Variants in DLGAP1 observed in about 807,000 individuals in gnomAD.
DLGAP1 encodes disks large-associated protein 1.
A neutral mutation model predicts 90.8 loss-of-function variants in DLGAP1; 11 were observed. The observed-to-expected ratio is 0.12, with a 90% CI of 0.08 to 0.20. DLGAP1 has a LOEUF of 0.20. Ranked by LOEUF, DLGAP1 falls within the 10% of genes least tolerant of loss-of-function variation. DLGAP1 has a pLI of 1.00. For missense variants in DLGAP1, 1,050 were observed against 1,333.8 expected (o/e 0.79, Z 3.31); for synonymous variants, 558 against 540.7 (o/e 1.03, Z -0.44).
chr18:3,608,366 A>G (rs2057428695), intron 7 of DLGAP1: 1 of 152,098 alleles, frequency 6.6e-6, no homozygotes. Context: ...TGACGGGTGG[A>G]AGAAAGGCCA....
In DLGAP1 at chr18:4,436,432, A is replaced by G. The variant is rs138230184; in HGVS notation, c.-267+18574T>C. Among the ~76,000 whole-genome samples, 103 of 152,124 alleles carry G rather than the reference A, an allele frequency of 6.8e-4. No individual in the cohort carries two copies. The South Asian group carries it at 8.1e-3, about 12-fold the overall frequency. On this transcript the variant is annotated intron_variant, in intron 1 of 12. Coordinates refer to ENST00000315677, the MANE Select transcript of DLGAP1 (RefSeq NM_004746.4). ...AGTATTTCCAAACTAGGGCCTGAGA[A>G]TATACATTTCTAACAAATTCCCAGG...
At chr18:3,695,763 G>A (rs893747312) in intron 7 of DLGAP1, among the ~76,000 whole-genome samples, 1 of 152,106 alleles carries the variant, frequency 6.6e-6, no homozygotes. Context: ...GCTTGATGGG[G>A]ATAGCATTTA....
At chr18:4,213,251 G>T (rs1030358698) in intron 1 of DLGAP1, among the ~76,000 whole-genome samples, 1 of 152,162 alleles carries the variant, frequency 6.6e-6, no homozygotes, top group Non-Finnish European at 1.5e-5. Context: ...TGAAGGGTTT[G>T]GAGGAGCAAA....
intron 3 of DLGAP1, among the ~76,000 whole-genome samples, chr18:3,891,691 T>C (rs934446675): frequency 6.6e-6 from 1 of 152,192 alleles, no homozygotes. Flanking sequence ...AACAACCCAA[T>C]ATGGTACGGA....
chr18:3,967,979 A>G (rs977418440), intron 3 of DLGAP1, among the ~76,000 whole-genome samples: 2 of 151,938 alleles, frequency 1.3e-5, no homozygotes, highest in Non-Finnish European at 2.9e-5. Context: ...TGTTTTGAAC[A>G]TTTCATTTGT....
chr18:4,136,091 C>A (rs1232597207), intron 2 of DLGAP1, among the ~76,000 whole-genome samples: 1 of 151,710 alleles, frequency 6.6e-6, no homozygotes, highest in Non-Finnish European at 1.5e-5. Context: ...TGTTCAATGT[C>A]CACCTATGAG....
At chr18:3,888,357 A>C (rs1427086344) in intron 3 of DLGAP1, among the ~76,000 whole-genome samples, 1 of 152,140 alleles carries the variant, frequency 6.6e-6, no homozygotes, top group African/African-American at 2.4e-5. Context: ...ACATTCTGAA[A>C]TATACCAATT....
intron 7 of DLGAP1, among the ~76,000 whole-genome samples, chr18:3,650,905 A>C (rs2059276070): frequency 6.7e-6 from 1 of 150,072 alleles, no homozygotes; most frequent in Non-Finnish European, 1.5e-5. Flanking sequence ...TGTCTCTATT[A>C]AAATACAAAA....
chr18:4,120,892 A>G (rs1228785630), intron 2 of DLGAP1, among the ~76,000 whole-genome samples: 1 of 152,116 alleles, frequency 6.6e-6, no homozygotes, highest in African/African-American at 2.4e-5. Context: ...TAGGCTAGAT[A>G]CTGGGCTAGG....
intron 3 of DLGAP1, among the ~76,000 whole-genome samples, chr18:3,951,178 T>A: frequency 6.6e-6 from 1 of 152,234 alleles, no homozygotes; most frequent in Non-Finnish European, 1.5e-5. Flanking sequence ...ATTTAAGCAT[T>A]AACATTCTAA....
At position 4,130,934 on chromosome 18, in the gene DLGAP1, A is replaced by G. The variant is rs187755128; in HGVS notation, c.-159+20246T>C. ...GGCGAGGATGTGGCCAGCAGGGGGAATTGCAGGAAAATATGACAAGGATTT... is the reference window on the plus strand; with the variant it reads ...GGCGAGGATGTGGCCAGCAGGGGGAGTTGCAGGAAAATATGACAAGGATTT... On this transcript the variant is annotated intron_variant, in intron 2 of 12. Transcript: ENST00000315677. Among the ~76,000 whole-genome samples the G allele has an allele frequency of 2.2e-3, 338 of 152,266 alleles. 1 individual carries two copies. Among genetic ancestry groups the G allele is most frequent in the Middle Eastern group, 6.8e-3 (2 of 294 alleles).
At chr18:4,384,119 T>C (rs1288062720) in intron 1 of DLGAP1, among the ~76,000 whole-genome samples, 2 of 152,158 alleles carry the variant, frequency 1.3e-5, no homozygotes, top group Non-Finnish European at 2.9e-5. Flanking sequence ...ATTGAAGATA[T>C]TATTCAATAT....
intron 1 of DLGAP1, among the ~76,000 whole-genome samples, chr18:4,318,987 T>TGG (rs1055412039): frequency 6.6e-6 from 1 of 152,186 alleles, no homozygotes; most frequent in African/African-American, 2.4e-5. Context: ...GCTATGAGAA[T>TGG]GGATTCTAAA....
At chr18:4,222,948 T>C (rs977313276) in intron 1 of DLGAP1, among the ~76,000 whole-genome samples, 3 of 151,964 alleles carry the variant, frequency 2.0e-5, no homozygotes, top group Admixed American at 6.6e-5. Flanking sequence ...ATAAAAGAAA[T>C]GATAAACACA....
chr18:4,171,911 T>A (rs1036457451), intron 1 of DLGAP1, among the ~76,000 whole-genome samples: 1 of 152,212 alleles, frequency 6.6e-6, no homozygotes, highest in Non-Finnish European at 1.5e-5. Context: ...CTTGTCCTGT[T>A]TAAATAGACT....
chr18:3,732,547 T>C (rs1357609432), intron 6 of DLGAP1, among the ~76,000 whole-genome samples: 1 of 152,242 alleles, frequency 6.6e-6, no homozygotes, highest in Non-Finnish European at 1.5e-5. Context: ...ATATTCCATA[T>C]GTAATCGATT....
chr18:3,582,993 G>C (rs2055617895), intron 7 of DLGAP1, among the ~76,000 whole-genome samples: 1 of 151,814 alleles, frequency 6.6e-6, no homozygotes, highest in South Asian at 2.1e-4. Context: ...GGGCTCAAGA[G>C]ATCCTCTCCC....
intron 7 of DLGAP1, among the ~76,000 whole-genome samples, chr18:3,725,093 T>C (rs917196816): frequency 6.6e-6 from 1 of 152,218 alleles, no homozygotes; most frequent in Non-Finnish European, 1.5e-5. Flanking sequence ...CCCCACCTAC[T>C]ACTTTCTGGG....
chr18:3,549,279 G>C (rs1253134521), intron 9 of DLGAP1, among the ~76,000 whole-genome samples: 1 of 151,194 alleles, frequency 6.6e-6, no homozygotes, highest in East Asian at 1.9e-4. Context: ...TAGGAATGCT[G>C]AAGATTTAGA....
Sources: allele counts gnomAD v4.1 joint callset (sites outside exome capture counted in the v4.1 genomes callset), GRCh38; gene constraint gnomAD v4.1.1; transcripts MANE v1.5; gene names NCBI Gene and HGNC (gene_info 2026-07-23, HGNC 2026-07-21).